SLC9C2: variants seen among roughly 807,000 people sequenced by gnomAD.
The protein encoded by SLC9C2 is solute carrier family 9 member C2 (putative).
SLC9C2 carries 75 observed loss-of-function variants against 140.2 expected under a neutral mutation model. That is an observed-to-expected ratio of 0.53 (90% confidence interval 0.44 to 0.65). The LOEUF (loss-of-function observed/expected upper bound fraction) is 0.65, where lower values mean the gene tolerates loss of function less well. SLC9C2 is among the 30% of genes least tolerant of loss of function. SLC9C2 has a pLI of 0.00. For synonymous variants in SLC9C2, 375 were observed against 420.9 expected (o/e 0.89, Z 1.34); for missense variants, 1,074 against 1,331.8 (o/e 0.81, Z 3.01).
chr1:173,600,021 A>G (rs1435832260), intron 3 of SLC9C2, 96 bp downstream of exon 3: 2 of 753,122 alleles, frequency 2.7e-6, no homozygotes, highest in Non-Finnish European at 2.0e-6. Flanking sequence ...CTGTTCCCAT[A>G]AGAAAAAACA....
intron 23 of SLC9C2, 99 bp downstream of exon 23, chr1:173,517,438 G>T: frequency 1.7e-6 from 2 of 1,155,272 alleles, no homozygotes; most frequent in Non-Finnish European, 1.2e-6. Context: ...ATAGCTGGTT[G>T]GGTGACTAAG....
intron 4 of SLC9C2, among the ~76,000 whole-genome samples, chr1:173,588,947 G>A (rs1393723375): frequency 1.3e-5 from 2 of 152,120 alleles, no homozygotes; most frequent in African/African-American, 4.8e-5. Flanking sequence ...GCATGGTGGT[G>A]CACACCTGTA....
chr1:173,521,278 A>G, intron 22 of SLC9C2, 23 bp downstream of exon 22: 1 of 1,357,166 alleles, frequency 7.4e-7, no homozygotes, highest in Non-Finnish European at 1.0e-6. Context: ...TAAAAAAAAA[A>G]AAAAAAATCA....
chr1:173,574,964 C>T (rs888228314), intron 8 of SLC9C2, among the ~76,000 whole-genome samples: 17 of 152,004 alleles, frequency 1.1e-4, no homozygotes, highest in South Asian at 1.0e-3. Flanking sequence ...ACAAAAAATA[C>T]GAAAAATTAG....
chr1:173,581,583 A>G (rs2102216326), intron 7 of SLC9C2, among the ~76,000 whole-genome samples: 1 of 152,324 alleles, frequency 6.6e-6, no homozygotes, highest in Non-Finnish European at 1.5e-5. Context: ...AATGCCAGTG[A>G]CTATATACAA....
chr1:173,513,571 G>A lies in SLC9C2; in HGVS notation c.2908-3872C>T, dbSNP rs550202962. ...TCTTTTCTTCATTAGTCTAGCTAGC[G>A]GTCTATTTTGTTAATTTTTTCAAAA... On this transcript the variant is annotated intron_variant, in intron 23 of 27. Transcript: ENST00000367714. Among the ~76,000 whole-genome samples, 307 of 151,202 alleles carry A rather than the reference G, an allele frequency of 2.0e-3. 10 individuals carry two copies. In the South Asian group the frequency reaches 0.06, roughly 29 times the overall value.
chr1:173,549,818 T>G (rs1244734110), intron 11 of SLC9C2, among the ~76,000 whole-genome samples: 2 of 152,046 alleles, frequency 1.3e-5, no homozygotes, highest in Non-Finnish European at 1.5e-5. Context: ...ATCAAAAATT[T>G]ATAGAGGGGA....
intron 4 of SLC9C2, among the ~76,000 whole-genome samples, chr1:173,593,909 A>G (rs1242189749): frequency 6.6e-6 from 1 of 152,212 alleles, no homozygotes; most frequent in Non-Finnish European, 1.5e-5. Context: ...TAATATTTTC[A>G]AACCATAGTT....
chr1:173,527,582 A>AAT (rs1661297348), intron 18 of SLC9C2, among the ~76,000 whole-genome samples: 2 of 152,218 alleles, frequency 1.3e-5, no homozygotes, highest in Non-Finnish European at 1.5e-5. Flanking sequence ...TATTTGTTGG[A>AAT]TGCCCACTAT....
chr1:173,535,822 A>G lies in SLC9C2; in HGVS notation c.1775+8T>C. On this transcript the variant is annotated splice_region_variant and intron_variant, in intron 15 of 27. Coordinates refer to ENST00000367714, the MANE Select transcript of SLC9C2 (RefSeq NM_178527.4). ...AGTATGTTTCTATTAAAGGTTCACA[A>G]TACTTACTCAGGTGGAATAAAATGT... 3.3e-6 allele frequency: 5 copies of G among 1,495,204 alleles called. No homozygotes were observed. The highest frequency in any genetic ancestry group is 4.5e-6 in the Non-Finnish European group (5 of 1,110,558). The allele number at this position is 1,495,204 out of a possible 1,614,324, so 92.6% of individuals were successfully genotyped here.
chr1:173,597,770 C>T, intron 4 of SLC9C2, 134 bp downstream of exon 4: 1 of 891,058 alleles, frequency 1.1e-6, no homozygotes. Context: ...GTTAGTAGTT[C>T]TATAGAATGA....
chr1:173,561,034 G>A (rs1327903465), intron 9 of SLC9C2, among the ~76,000 whole-genome samples: 1 of 152,122 alleles, frequency 6.6e-6, no homozygotes, highest in Non-Finnish European at 1.5e-5. Flanking sequence ...GACCTCACAT[G>A]ATCCACCTGC....
intron 27 of SLC9C2, 130 bp from the exon 28 acceptor site, chr1:173,501,227 G>A: frequency 1.1e-6 from 1 of 939,862 alleles, no homozygotes; most frequent in Non-Finnish European, 1.5e-6. Context: ...CCTCCTAAAA[G>A]ATCTTCATAT....
intron 19 of SLC9C2, 115 bp from the exon 20 acceptor site, chr1:173,525,042 T>C: frequency 8.5e-7 from 1 of 1,174,370 alleles, no homozygotes. Context: ...TTGATTCTAG[T>C]TTCATGCAGA....
intron 13 of SLC9C2, among the ~76,000 whole-genome samples, chr1:173,537,596 G>GTGTATATATA (rs72111089): frequency 3.3e-5 from 5 of 151,080 alleles, no homozygotes; most frequent in Non-Finnish European, 7.4e-5. Context: ...ATATATGTGT[G>GTGTATATATA]TGTATATATA....
intron 11 of SLC9C2, among the ~76,000 whole-genome samples, chr1:173,553,577 G>A (rs778960286): frequency 6.6e-6 from 1 of 152,198 alleles, no homozygotes; most frequent in Non-Finnish European, 1.5e-5. Flanking sequence ...ATTGCTGAAG[G>A]CTCAGATGAT....
At chr1:173,526,268 A>G (rs1000120936) in intron 19 of SLC9C2, among the ~76,000 whole-genome samples, 2 of 152,202 alleles carry the variant, frequency 1.3e-5, no homozygotes, top group African/African-American at 4.8e-5. Context: ...TATCTTTGCA[A>G]AAAACAAAAC....
At chr1:173,525,617 T>C (rs948521920) in intron 19 of SLC9C2, among the ~76,000 whole-genome samples, 5 of 152,232 alleles carry the variant, frequency 3.3e-5, no homozygotes, top group African/African-American at 1.2e-4. Flanking sequence ...GTAATAATAG[T>C]ATTTGCCTCA....
At chr1:173,582,204 C>T (rs371746358) in intron 6 of SLC9C2, among the ~76,000 whole-genome samples, 196 bp from the exon 7 acceptor site, 6 of 151,962 alleles carry the variant, frequency 3.9e-5, no homozygotes, top group East Asian at 1.9e-4. Flanking sequence ...CCTTACAGTC[C>T]GCAGCTTAAG....
Sources: gnomAD v4.1 joint callset for allele counts (sites outside exome capture counted in the v4.1 genomes callset) on GRCh38, gnomAD v4.1.1 for gene constraint, MANE v1.5 for transcripts, NCBI Gene and HGNC (gene_info 2026-07-23, HGNC 2026-07-21) for gene names.